ZDHHC20: variants seen among roughly 807,000 people sequenced by gnomAD.
ZDHHC20 encodes palmitoyltransferase ZDHHC20.
A neutral mutation model predicts 57.8 loss-of-function variants in ZDHHC20; 43 were observed. The observed-to-expected ratio is 0.74, with a 90% confidence interval of 0.58 to 0.96. The LOEUF (loss-of-function observed/expected upper bound fraction) is 0.96, where lower values mean the gene tolerates loss of function less well. Among genes scored for constraint, ZDHHC20 ranks in the 40% least tolerant of loss-of-function variants. The pLI is 0.00. For synonymous variants in ZDHHC20, 157 were observed against 153.0 expected, an observed-to-expected ratio of 1.03 and a Z score of -0.19; for missense variants, 391 against 441.1, an observed-to-expected ratio of 0.89 and a Z score of 1.02.
At chr13:21,408,802 T>C (rs968464582) in intron 4 of ZDHHC20, among the ~76,000 whole-genome samples, 1 of 152,216 alleles carries the variant, frequency 6.6e-6, no homozygotes, top group Non-Finnish European at 1.5e-5. Flanking sequence ...ACCTAGTTTA[T>C]TGAGTGTTTT....
At chr13:21,378,101 T>G (rs9316334) in intron 12 of ZDHHC20, among the ~76,000 whole-genome samples, 117,808 of 151,976 alleles carry the variant, frequency 0.78, 46,030 homozygotes, top group East Asian at 1. Flanking sequence ...GAGTGCAGCT[T>G]GTGCCATCTT....
intron 1 of ZDHHC20, 32 bp downstream of exon 1, chr13:21,459,022 G>GC (rs1380376706): frequency 6.5e-7 from 1 of 1,541,890 alleles, no homozygotes; most frequent in Non-Finnish European, 8.8e-7. Flanking sequence ...CGCGGCCCGC[G>GC]CCCCGCCGCA....
intron 1 of ZDHHC20, among the ~76,000 whole-genome samples, chr13:21,437,172 G>C (rs1413524299): frequency 6.6e-6 from 1 of 152,170 alleles, no homozygotes; most frequent in Non-Finnish European, 1.5e-5. Context: ...AGAGAGATGA[G>C]AAAGCTGCAG....
At chr13:21,449,428 T>C (rs1222788223) in intron 1 of ZDHHC20, among the ~76,000 whole-genome samples, 2 of 152,030 alleles carry the variant, frequency 1.3e-5, no homozygotes, top group Non-Finnish European at 1.5e-5. Context: ...CTCTTCTCCA[T>C]GTGGTCTCTC....
At chr13:21,413,550 A>G (rs1423038425) in intron 4 of ZDHHC20, 102 bp downstream of exon 4, 2 of 1,066,466 alleles carry the variant, frequency 1.9e-6, no homozygotes, top group Non-Finnish European at 2.5e-6. Flanking sequence ...ATTTATGGCA[A>G]TCATAGTATC....
intron 1 of ZDHHC20, among the ~76,000 whole-genome samples, chr13:21,439,468 C>T (rs1194841238): frequency 1.3e-5 from 2 of 152,150 alleles, no homozygotes; most frequent in Admixed American, 6.6e-5. Context: ...CCACTGCACT[C>T]CAGCCTGCAC....
chr13:21,400,337 T>A, intron 7 of ZDHHC20, 36 bp downstream of exon 7: 1 of 1,542,248 alleles, frequency 6.5e-7, no homozygotes, highest in Non-Finnish European at 8.7e-7. Flanking sequence ...TCTTAAAGTC[T>A]TAAATACATG....
chr13:21,435,047 A>C (rs1032608936), intron 1 of ZDHHC20, among the ~76,000 whole-genome samples: 6 of 152,264 alleles, frequency 3.9e-5, no homozygotes, highest in African/African-American at 1.4e-4. Context: ...ACCATTTTAT[A>C]CTTCTACCAG....
intron 1 of ZDHHC20, among the ~76,000 whole-genome samples, chr13:21,448,304 G>A (rs1178500428): frequency 5.7e-5 from 5 of 87,572 alleles, no homozygotes; most frequent in South Asian, 3.6e-4. Context: ...CAGCCGCCCC[G>A]TCCGGGAGGG....
intron 1 of ZDHHC20, among the ~76,000 whole-genome samples, chr13:21,447,148 AC>A (rs1471619883): frequency 2.0e-5 from 3 of 151,924 alleles, no homozygotes; most frequent in African/African-American, 7.2e-5. Context: ...TGTGGCATTA[AC>A]AACCCACCCT....
At chr13:21,415,129 T>C (rs1298238880) in intron 3 of ZDHHC20, among the ~76,000 whole-genome samples, 2 of 152,180 alleles carry the variant, frequency 1.3e-5, no homozygotes, top group Non-Finnish European at 1.5e-5. Flanking sequence ...TATTCTGCTA[T>C]AAACAAGGCA....
chr13:21,381,352 T>A, intron 11 of ZDHHC20, 82 bp downstream of exon 11: 1 of 1,103,862 alleles, frequency 9.1e-7, no homozygotes, highest in South Asian at 1.4e-5. Flanking sequence ...AATGTTACAT[T>A]ATTTTGATTT....
intron 8 of ZDHHC20, 24 bp downstream of exon 8, chr13:21,391,698 T>G: frequency 6.3e-7 from 1 of 1,587,408 alleles, no homozygotes. Flanking sequence ...CCTAAGTAAT[T>G]ATAATTTATT....
rs779184103 is a variant in ZDHHC20, at chr13:21,439,519, TCAAAA to T, written c.119-13846_119-13842del. 6.6e-5 allele frequency among the ~76,000 whole-genome samples: 10 copies of T among 151,806 alleles called. No individual in the cohort carries two copies. The South Asian group carries it at 1.0e-3, about 16-fold the overall frequency. On this transcript the variant is annotated intron_variant, in intron 1 of 12. Transcript: ENST00000400590. The stretch of plus-strand genomic sequence containing the variant: ...AGTGATGACAGAGTGATACCCTGTC[TCAAAA>T]CAAAACAAAACAAAGTAAAACAAAC...
At chr13:21,454,901 T>TTTTG (rs533628964) in intron 1 of ZDHHC20, among the ~76,000 whole-genome samples, 116 of 151,788 alleles carry the variant, frequency 7.6e-4, no homozygotes, top group African/African-American at 1.6e-3. Flanking sequence ...AACATAGCTC[T>TTTTG]TTTGTTTGTT....
intron 8 of ZDHHC20, among the ~76,000 whole-genome samples, chr13:21,387,869 A>G (rs1874861056): frequency 6.6e-6 from 1 of 152,174 alleles, no homozygotes; most frequent in Admixed American, 6.5e-5. Flanking sequence ...TAATTATCAA[A>G]TATTACTGAA....
rs60149420 is a variant in ZDHHC20 at position 21,456,364 on chromosome 13, C to T, written c.118+2690G>A. On this transcript the variant is annotated intron_variant, in intron 1 of 12. Coordinates refer to ENST00000400590, the MANE Select transcript of ZDHHC20 (RefSeq NM_001330059.2). ...GGCAGAGGTTGCAGTGAGCCAAGAT[C>T]GCATCATTGCACTCCAGCCTGGGCA... Among the ~76,000 whole-genome samples, 332 of 152,224 alleles carry T rather than the reference C, an allele frequency of 2.2e-3. 6 individuals carry two copies. The East Asian group carries it at 0.054, about 25-fold the overall frequency.
Position 21,374,215 on chromosome 13 carries a change from G to A in ZDHHC20, c.*2481C>T. ...CTGCCAAACTGGAGTTATGTTTTTA[G>A]TTGGTAATTGATATATATATATATT... On this transcript the variant is annotated 3_prime_UTR_variant, in exon 13 of 13. Coordinates refer to ENST00000400590, the MANE Select transcript of ZDHHC20 (RefSeq NM_001330059.2). The A allele has an allele frequency of 5.3e-6, 1 of 189,300 alleles. No individual in the cohort carries two copies. The highest frequency in any genetic ancestry group is 1.2e-5 in the Non-Finnish European group (1 of 86,596). 11.7% of individuals were successfully genotyped at this position (189,300 alleles called of 1,614,324 possible). A position where few individuals can be genotyped will look rare whatever the true frequency, so the allele number is the denominator to read the frequency against.
At chr13:21,388,792 C>T (rs758165751) in intron 8 of ZDHHC20, among the ~76,000 whole-genome samples, 11 of 152,082 alleles carry the variant, frequency 7.2e-5, no homozygotes, top group African/African-American at 1.7e-4. Context: ...CCACTGTGCA[C>T]GCGGATAGAG....
Sources: gnomAD v4.1 joint callset for allele counts (sites outside exome capture counted in the v4.1 genomes callset) on GRCh38, gnomAD v4.1.1 for gene constraint, MANE v1.5 for transcripts, NCBI Gene and HGNC (gene_info 2026-07-23, HGNC 2026-07-21) for gene names.